PLEKHG1: variants seen among roughly 807,000 people sequenced by gnomAD.
PLEKHG1 encodes pleckstrin homology and RhoGEF domain containing G1, also known as pleckstrin homology domain-containing family G member 1.
PLEKHG1 carries 44 observed loss-of-function variants against 100.8 expected under a neutral mutation model. The ratio of observed to expected loss-of-function variants is 0.44; its 90% CI spans 0.34 to 0.56. The LOEUF (loss-of-function observed/expected upper bound fraction) is 0.56, where lower values mean the gene tolerates loss of function less well. PLEKHG1 is among the 20% of genes least tolerant of loss of function. The probability of loss-of-function intolerance (pLI) is 0.01; values close to 1 mark genes in which losing one functional copy is unlikely to be tolerated. For missense variants in PLEKHG1, 1,545 were observed against 1,720.9 expected (o/e 0.90, Z 1.81); for synonymous variants, 640 against 662.5 (o/e 0.97, Z 0.52).
chr6:150,628,738 A>G (rs1271321363), intron 1 of PLEKHG1, among the ~76,000 whole-genome samples: 2 of 152,214 alleles, frequency 1.3e-5, no homozygotes, highest in African/African-American at 4.8e-5. Context: ...AGGATAAACA[A>G]TTGCACAAAT....
In PLEKHG1 at chr6:150,802,881, C is replaced by T. The variant is rs1021687203; in HGVS notation, c.781-1729C>T. 2.0e-5 allele frequency among the ~76,000 whole-genome samples: 3 copies of T among 152,034 alleles called. No homozygotes were observed. In the East Asian group the frequency reaches 5.8e-4, roughly 29 times the overall value. On this transcript the variant is annotated intron_variant, in intron 6 of 15. Coordinates refer to ENST00000358517, the Ensembl canonical transcript of PLEKHG1. Reference sequence around the variant, plus strand: ...TTCACCATGTTGGCCAGGATGGTCTCGATCTCTTGACCCCATGATCCACCC... The same window carrying T: ...TTCACCATGTTGGCCAGGATGGTCTTGATCTCTTGACCCCATGATCCACCC...
intron 1 of PLEKHG1, among the ~76,000 whole-genome samples, chr6:150,722,371 T>A (rs1265457342): frequency 1.1e-5 from 1 of 91,290 alleles, no homozygotes; most frequent in Admixed American, 1.3e-4. Context: ...TTTTTTTTTT[T>A]GAGACTGAGT....
At chr6:150,723,399 C>T (rs1168184133) in intron 1 of PLEKHG1, among the ~76,000 whole-genome samples, 1 of 152,124 alleles carries the variant, frequency 6.6e-6, no homozygotes, top group Admixed American at 6.6e-5. Context: ...TGTGTAGTCC[C>T]TTTTGGCATA....
chr6:150,767,126 ATTTC>A (rs1216472895), intron 2 of PLEKHG1, among the ~76,000 whole-genome samples: 10 of 152,190 alleles, frequency 6.6e-5, no homozygotes, highest in African/African-American at 1.9e-4. Context: ...CAATGAATAT[ATTTC>A]TTTATTTTGA....
At chr6:150,778,453 C>G (rs984796742) in intron 3 of PLEKHG1, among the ~76,000 whole-genome samples, 1 of 152,106 alleles carries the variant, frequency 6.6e-6, no homozygotes, top group Admixed American at 6.6e-5. Flanking sequence ...AAATGACTTT[C>G]TCTTCCAAGA....
chr6:150,658,374 TC>T (rs1356405744), intron 3 of PLEKHG1, among the ~76,000 whole-genome samples: 1 of 152,208 alleles, frequency 6.6e-6, no homozygotes, highest in Non-Finnish European at 1.5e-5. Flanking sequence ...CTTTTAATAT[TC>T]TTTGTCTTAA....
chr6:150,836,805 A>G (rs1777243102), intron 15 of PLEKHG1, among the ~76,000 whole-genome samples: 1 of 149,742 alleles, frequency 6.7e-6, no homozygotes, highest in Non-Finnish European at 1.5e-5. Flanking sequence ...CCTGGCCAAC[A>G]GAATAAGACC....
At chr6:150,696,682 T>G (rs1035583572) in intron 3 of PLEKHG1, among the ~76,000 whole-genome samples, 62 of 152,180 alleles carry the variant, frequency 4.1e-4, no homozygotes, top group African/African-American at 1.4e-3. Flanking sequence ...ATTTTACAAG[T>G]GATTTTTTTT....
exon 16 of PLEKHG1, chr6:150,842,414 T>C (rs1349187036): frequency 6.6e-6 from 1 of 152,190 alleles, no homozygotes; most frequent in East Asian, 1.9e-4. Flanking sequence ...ACATAATTCT[T>C]TTTCTCTTTG....
chr6:150,787,030 CAAAAAAAAAAA>C (rs555809522), intron 4 of PLEKHG1, among the ~76,000 whole-genome samples: 1 of 58,026 alleles, frequency 1.7e-5, no homozygotes, highest in Non-Finnish European at 4.1e-5. Context: ...GACTCTGTCT[CAAAAAAAAAAA>C]AAAAAAAAAA....
chr6:150,834,011 C>T (rs1227606000), intron 15 of PLEKHG1, among the ~76,000 whole-genome samples: 1 of 149,684 alleles, frequency 6.7e-6, no homozygotes, highest in South Asian at 2.1e-4. Flanking sequence ...CTGTAGGGAA[C>T]TTTTTTTTTT....
At chr6:150,807,660 A>C (rs1017697292) in intron 7 of PLEKHG1, among the ~76,000 whole-genome samples, 1 of 152,152 alleles carries the variant, frequency 6.6e-6, no homozygotes, top group Non-Finnish European at 1.5e-5. Flanking sequence ...AATGAATACA[A>C]AACTTTACTT....
At chr6:150,726,976 C>A (rs1204926522) in intron 1 of PLEKHG1, among the ~76,000 whole-genome samples, 2 of 152,290 alleles carry the variant, frequency 1.3e-5, no homozygotes, top group East Asian at 3.9e-4. Flanking sequence ...GAGGCTCTAA[C>A]AAAACTGCGC....
intron 3 of PLEKHG1, among the ~76,000 whole-genome samples, chr6:150,671,999 G>A (rs1013140657): frequency 6.6e-6 from 1 of 152,172 alleles, no homozygotes; most frequent in Non-Finnish European, 1.5e-5. Flanking sequence ...GCTATTGGGT[G>A]AGAATGAATT....
chr6:150,796,403 C>T (rs1193798398), intron 5 of PLEKHG1, among the ~76,000 whole-genome samples: 2 of 152,120 alleles, frequency 1.3e-5, no homozygotes, highest in Admixed American at 6.5e-5. Context: ...ATCGTCATCT[C>T]GCCTGGGTTG....
Position 150,831,190 on chromosome 6 carries a change from C to G in PLEKHG1, c.2079C>G (p.Pro693=), listed in dbSNP as rs1231811358. 1 of 1,614,168 alleles carries G rather than the reference C, an allele frequency of 6.2e-7. No homozygotes were observed. Among genetic ancestry groups the G allele is most frequent in the Admixed American group, 1.7e-5 (1 of 60,028 alleles). ...AATCAGCCAGGGACTCCGTTCGCCCCAAGAGCACCCCAGAGTTAGCCTTCA... is the reference window on the plus strand; with the variant it reads ...AATCAGCCAGGGACTCCGTTCGCCCGAAGAGCACCCCAGAGTTAGCCTTCA... The change falls in exon 15 of 16, where the codon CCC becomes CCG. Residue 693 remains proline (P), a synonymous_variant. Coordinates refer to ENST00000358517, the Ensembl canonical transcript of PLEKHG1. This position sits in a 1 kb window ranked among gnomAD's most constrained non-coding sequence, Gnocchi z 4.1.
intron 3 of PLEKHG1, among the ~76,000 whole-genome samples, chr6:150,785,424 C>T (rs555130329): frequency 6.6e-6 from 1 of 152,256 alleles, no homozygotes; most frequent in East Asian, 1.9e-4. Flanking sequence ...TGTTCTTTGA[C>T]CCATCAATTC....
chr6:150,659,295 T>C (rs887274738), intron 3 of PLEKHG1, among the ~76,000 whole-genome samples: 1 of 152,240 alleles, frequency 6.6e-6, no homozygotes, highest in Non-Finnish European at 1.5e-5. Flanking sequence ...AAGGCATTTT[T>C]TTTTTCAGTT....
chr6:150,630,684 C>T (rs1777708592), intron 1 of PLEKHG1, among the ~76,000 whole-genome samples: 1 of 152,128 alleles, frequency 6.6e-6, no homozygotes, highest in South Asian at 2.1e-4. Context: ...ACCTGGTGCT[C>T]AGGAGAGGGG....
Sources: gnomAD v4.1 joint callset for allele counts (sites outside exome capture counted in the v4.1 genomes callset) on GRCh38, gnomAD v4.1.1 for gene constraint, Gnocchi (gnomAD v3.1) non-coding constraint, MANE v1.5 for transcripts, NCBI Gene and HGNC (gene_info 2026-07-23, HGNC 2026-07-21) for gene names.